CADM2: variants seen among roughly 807,000 people sequenced by gnomAD.
The protein encoded by CADM2 is immunoglobulin superfamily member 4D.
CADM2 carries 12 observed loss-of-function variants against 49.8 expected under a neutral mutation model. The observed-to-expected ratio is 0.24, with a 90% CI of 0.15 to 0.39. The LOEUF (loss-of-function observed/expected upper bound fraction) is 0.39. Ranked by LOEUF, CADM2 falls within the 10% of genes least tolerant of loss-of-function variation. The probability of loss-of-function intolerance (pLI) is 1.00; values close to 1 mark genes in which losing one functional copy is unlikely to be tolerated. For missense variants in CADM2, 378 were observed against 492.3 expected (o/e 0.77, Z 2.20); for synonymous variants, 214 against 175.4 (o/e 1.22, Z -1.74).
chr3:85,046,519 G>T (rs1355502913), intron 1 of CADM2, among the ~76,000 whole-genome samples: 1 of 151,718 alleles, frequency 6.6e-6, no homozygotes, highest in African/African-American at 2.4e-5. Context: ...ATATTTTTCA[G>T]CATGTAAGCA....
At chr3:85,005,735 T>C (rs2107231926) in intron 1 of CADM2, among the ~76,000 whole-genome samples, 1 of 152,194 alleles carries the variant, frequency 6.6e-6, no homozygotes, top group South Asian at 2.1e-4. Context: ...CATCTGATTT[T>C]CACTGACCTG....
chr3:85,607,316 G>C (rs912368811), intron 1 of CADM2, among the ~76,000 whole-genome samples: 1 of 152,078 alleles, frequency 6.6e-6, no homozygotes, highest in South Asian at 2.1e-4. Context: ...AGAGAATCTT[G>C]TGTGCTCATG....
At chr3:85,910,157 G>A (rs573762356) in intron 5 of CADM2, among the ~76,000 whole-genome samples, 53 of 152,262 alleles carry the variant, frequency 3.5e-4, no homozygotes, top group Middle Eastern at 6.8e-3. Context: ...AGAAGCAGAT[G>A]TGTGAGTTCT....
chr3:85,645,025 A>G (rs1403571299), intron 1 of CADM2, among the ~76,000 whole-genome samples: 1 of 152,080 alleles, frequency 6.6e-6, no homozygotes, highest in Non-Finnish European at 1.5e-5. Context: ...GTGTATACTA[A>G]ACTTAATTGT....
At chr3:85,466,893 C>G (rs911256678) in intron 1 of CADM2, among the ~76,000 whole-genome samples, 1 of 152,066 alleles carries the variant, frequency 6.6e-6, no homozygotes, top group Non-Finnish European at 1.5e-5. Flanking sequence ...ACTTTTCTCT[C>G]ACATTCTTTC....
At chr3:85,611,237 T>C (rs1449397) in intron 1 of CADM2, among the ~76,000 whole-genome samples, 132,672 of 151,654 alleles carry the variant, frequency 0.87, 58,172 homozygotes, top group East Asian at 0.91. Context: ...ATTAGTCATG[T>C]ATACTGCAAA....
chr3:85,112,495 A>G (rs564620864), intron 1 of CADM2, among the ~76,000 whole-genome samples: 1 of 151,998 alleles, frequency 6.6e-6, no homozygotes, highest in South Asian at 2.1e-4. Context: ...CTTCAGCTGA[A>G]TTACCAAAAA....
chr3:85,573,991 G>C (rs920387724), intron 1 of CADM2, among the ~76,000 whole-genome samples: 2 of 152,108 alleles, frequency 1.3e-5, no homozygotes, highest in African/African-American at 4.8e-5. Context: ...GATACTGACT[G>C]GTTATTTCAG....
intron 3 of CADM2, among the ~76,000 whole-genome samples, chr3:85,874,169 T>C (rs1711512320): frequency 6.6e-6 from 1 of 152,232 alleles, no homozygotes; most frequent in South Asian, 2.1e-4. Flanking sequence ...TAAATAATTA[T>C]GTTATTACCT....
Position 86,036,884 on chromosome 3 carries a change from T to G in CADM2, c.971-28721T>G, listed in dbSNP as rs550545383. On this transcript the variant is annotated intron_variant, in intron 8 of 9. Coordinates refer to ENST00000383699, the MANE Select transcript of CADM2 (RefSeq NM_001167675.2). ...CTTTTTTCTTTTAAAGCTTAACACT[T>G]TTTATTTGATCACTGGCTTCAATAT... Among the ~76,000 whole-genome samples the G allele has an allele frequency of 2.9e-4, 44 of 151,466 alleles. No individual in the cohort carries two copies. The Middle Eastern group carries it at 0.01, about 35-fold the overall frequency.
chr3:85,904,677 G>A lies in CADM2; in HGVS notation c.530-7696G>A, dbSNP rs192849860. 2.3e-3 allele frequency among the ~76,000 whole-genome samples: 348 copies of A among 152,298 alleles called. 1 individual carries two copies. The highest frequency in any genetic ancestry group is 4.0e-3 in the Non-Finnish European group (270 of 68,024). On this transcript the variant is annotated intron_variant, in intron 5 of 9. Coordinates refer to ENST00000383699, the MANE Select transcript of CADM2 (RefSeq NM_001167675.2). ...CTAGTTATGGTTGTTTAGCTGGAGA[G>A]AAAGTCTGCAGAGCTACTTATTTAG...
intron 1 of CADM2, among the ~76,000 whole-genome samples, chr3:85,151,047 C>G (rs2039906993): frequency 6.6e-6 from 1 of 151,614 alleles, no homozygotes; most frequent in Admixed American, 6.6e-5. Context: ...AATTTTCTTC[C>G]AAGTTCTGTG....
At chr3:85,560,688 G>C (rs2062070656) in intron 1 of CADM2, among the ~76,000 whole-genome samples, 1 of 152,090 alleles carries the variant, frequency 6.6e-6, no homozygotes, top group Non-Finnish European at 1.5e-5. Flanking sequence ...CTCCTGTTTT[G>C]TTCAAAGACT....
chr3:85,810,589 G>GAGTGC (rs1291631518), intron 3 of CADM2, among the ~76,000 whole-genome samples: 1 of 142,954 alleles, frequency 7.0e-6, no homozygotes, highest in Non-Finnish European at 1.5e-5. Context: ...ACCCAGGCTG[G>GAGTGC]AGTGCAGTGG....
At chr3:85,694,072 C>CT (rs1225716548) in intron 1 of CADM2, among the ~76,000 whole-genome samples, 1 of 151,942 alleles carries the variant, frequency 6.6e-6, no homozygotes, top group African/African-American at 2.4e-5. Context: ...CTTTTTAGCA[C>CT]TTTTTAAAGA....
At chr3:85,577,432 C>G (rs565699351) in intron 1 of CADM2, among the ~76,000 whole-genome samples, 4 of 152,242 alleles carry the variant, frequency 2.6e-5, no homozygotes, top group African/African-American at 9.6e-5. Flanking sequence ...GTTGCTCTCT[C>G]GCACGTGCTC....
At chr3:85,950,691 A>G (rs754170789) in intron 7 of CADM2, among the ~76,000 whole-genome samples, 12 of 151,102 alleles carry the variant, frequency 7.9e-5, no homozygotes, top group Non-Finnish European at 1.8e-4. Context: ...AATCAGAATC[A>G]AGTAGCACAT....
intron 1 of CADM2, among the ~76,000 whole-genome samples, chr3:85,245,066 C>T (rs1239720629): frequency 6.6e-6 from 1 of 152,048 alleles, no homozygotes; most frequent in Non-Finnish European, 1.5e-5. Context: ...CCAGGAAAAC[C>T]AGACAATCCT....
chr3:85,980,982 G>A (rs112694049), intron 8 of CADM2, among the ~76,000 whole-genome samples: 14 of 151,116 alleles, frequency 9.3e-5, no homozygotes, highest in African/African-American at 3.4e-4. Flanking sequence ...GACAACTACT[G>A]GCATCTAAAA....
Sources: gnomAD v4.1 joint callset for allele counts (sites outside exome capture counted in the v4.1 genomes callset) on GRCh38, gnomAD v4.1.1 for gene constraint, MANE v1.5 for transcripts, NCBI Gene and HGNC (gene_info 2026-07-23, HGNC 2026-07-21) for gene names.